Variants in EPB41L4A observed in about 807,000 individuals in gnomAD.
The protein encoded by EPB41L4A is erythrocyte membrane protein band 4.1 like 4A.
A neutral mutation model predicts 108.6 loss-of-function variants in EPB41L4A; 100 were observed. That is an observed-to-expected ratio of 0.92 (90% CI 0.78 to 1.09). The LOEUF is 1.09. EPB41L4A is among the 50% of genes least tolerant of loss of function. The pLI is 0.00. For missense variants in EPB41L4A, 1,030 were observed against 842.7 expected (o/e 1.22, Z -2.75); for synonymous variants, 319 against 289.0 (o/e 1.10, Z -1.05).
chr5:112,201,165 T>A (rs975712571), intron 15 of EPB41L4A, among the ~76,000 whole-genome samples: 1 of 152,174 alleles, frequency 6.6e-6, no homozygotes, highest in Non-Finnish European at 1.5e-5. Context: ...TGTGCTTTAG[T>A]CCTTTTTATG....
intron 1 of EPB41L4A, among the ~76,000 whole-genome samples, chr5:112,310,339 T>A (rs1255047589): frequency 3.9e-5 from 6 of 152,206 alleles, no homozygotes; most frequent in Admixed American, 3.9e-4. Flanking sequence ...AGATAATCAG[T>A]TTTCAAAATG....
downstream of EPB41L4A, chr5:112,161,379 C>A: frequency 4.8e-6 from 2 of 417,298 alleles, no homozygotes; most frequent in Non-Finnish European, 9.4e-6. Context: ...GATTTTAAAT[C>A]GTGAGAAAAT....
At chr5:112,411,866 C>G (rs1762432261) in intron 1 of EPB41L4A, among the ~76,000 whole-genome samples, 1 of 152,190 alleles carries the variant, frequency 6.6e-6, no homozygotes, top group Non-Finnish European at 1.5e-5. Context: ...GCCTGCTTCT[C>G]AAACACAGGT....
At chr5:112,375,205 A>T (rs887992757) in intron 1 of EPB41L4A, among the ~76,000 whole-genome samples, 3 of 152,124 alleles carry the variant, frequency 2.0e-5, no homozygotes, top group Non-Finnish European at 4.4e-5. Context: ...GTGAGCCCAG[A>T]GTGGTGCAGG....
chr5:112,201,076 A>T (rs776777780), intron 15 of EPB41L4A, among the ~76,000 whole-genome samples: 1 of 152,246 alleles, frequency 6.6e-6, no homozygotes, highest in African/African-American at 2.4e-5. Context: ...GTGCAAGGTA[A>T]ATATGTGTGA....
chr5:112,388,029 C>CA (rs1378103319), intron 1 of EPB41L4A, among the ~76,000 whole-genome samples: 2 of 152,082 alleles, frequency 1.3e-5, no homozygotes, highest in Non-Finnish European at 2.9e-5. Flanking sequence ...CACCAAACCC[C>CA]AAAAGTTCCT....
At chr5:112,246,043 T>C (rs1676874346) in intron 9 of EPB41L4A, among the ~76,000 whole-genome samples, 1 of 152,122 alleles carries the variant, frequency 6.6e-6, no homozygotes, top group Non-Finnish European at 1.5e-5. Flanking sequence ...ATTCAGAAAG[T>C]GTTTTCCTTA....
In EPB41L4A at chr5:112,234,629, C is replaced by G; in HGVS notation, c.1087+5G>C. The G allele has an allele frequency of 6.2e-7, 1 of 1,612,304 alleles. No homozygotes were observed. Among genetic ancestry groups the G allele is most frequent in the Non-Finnish European group, 8.5e-7 (1 of 1,178,780 alleles). ...CATAGATAACTCAGGGGAACCATGA[C>G]TTACCAGCTGGCTGTGTTTGTGCTA... On this transcript the variant is annotated splice_donor_5th_base_variant and intron_variant, in intron 12 of 22. Transcript: ENST00000261486.
chr5:112,315,339 C>T (rs1264398911), intron 1 of EPB41L4A, among the ~76,000 whole-genome samples: 1 of 152,224 alleles, frequency 6.6e-6, no homozygotes, highest in Non-Finnish European at 1.5e-5. Context: ...ATTTGGAAAG[C>T]ATGTGCTGAG....
chr5:112,251,587 T>C (rs773669862), intron 9 of EPB41L4A, among the ~76,000 whole-genome samples: 11 of 152,108 alleles, frequency 7.2e-5, no homozygotes, highest in African/African-American at 1.7e-4. Flanking sequence ...AAAATGCTTA[T>C]CTTTACAAAA....
At chr5:112,195,851 G>A (rs1761941833) in intron 15 of EPB41L4A, 143 bp from the exon 16 acceptor site, 1 of 691,838 alleles carries the variant, frequency 1.4e-6, no homozygotes, top group Admixed American at 2.7e-5. Context: ...ATATGTATAT[G>A]CCTAACCCTA....
chr5:112,143,859 C>T (rs199703198), exon 14 of EPB41L4A: 2 of 455,784 alleles, frequency 4.4e-6, no homozygotes, highest in Non-Finnish European at 8.8e-6. Flanking sequence ...CCTGTATAAA[C>T]AGGGAGAAAG....
At chr5:112,173,264 G>A (rs558363824) in intron 18 of EPB41L4A, among the ~76,000 whole-genome samples, 1 of 152,326 alleles carries the variant, frequency 6.6e-6, no homozygotes, top group Admixed American at 6.5e-5. Context: ...GTGGTATCAT[G>A]TGAGGGCATG....
chr5:112,399,996 C>T (rs1055793691), intron 1 of EPB41L4A, among the ~76,000 whole-genome samples: 13 of 152,156 alleles, frequency 8.5e-5, no homozygotes, highest in Non-Finnish European at 1.8e-4. Flanking sequence ...TAAAGAAATA[C>T]CTGAGACTGG....
intron 1 of EPB41L4A, among the ~76,000 whole-genome samples, chr5:112,413,090 G>C (rs995546592): frequency 6.6e-6 from 1 of 152,182 alleles, no homozygotes; most frequent in African/African-American, 2.4e-5. Context: ...GGGAGACAAG[G>C]AAGAAAAGTC....
chr5:112,307,457 C>G lies in EPB41L4A; in HGVS notation c.133G>C (p.Val45Leu). 1 of 1,613,028 alleles carries G rather than the reference C, an allele frequency of 6.2e-7. No homozygotes were observed. The highest frequency in any genetic ancestry group is 8.5e-7 in the Non-Finnish European group (1 of 1,179,218). ...STKGSVVLDH[V>L]FHHVNLVEID... ...TCCACAAGGTTTACGTGATGGAATA[C>G]GTGGTCAAGGACAACGGAACCTTTC... is the stretch of plus-strand genomic sequence containing the variant. The change falls in exon 2 of 23, where the codon GTA (valine) becomes CTA (leucine). Residue 45 changes from valine (V) to leucine (L), a missense_variant. Coordinates refer to ENST00000261486, the MANE Select transcript of EPB41L4A (RefSeq NM_022140.5).
At chr5:112,194,174 TAAGA>T (rs1336744146) in intron 17 of EPB41L4A, among the ~76,000 whole-genome samples, 2 of 152,138 alleles carry the variant, frequency 1.3e-5, no homozygotes, top group Non-Finnish European at 2.9e-5. Flanking sequence ...CCGCAGAATC[TAAGA>T]AACAATGAGT....
chr5:112,200,118 C>CA (rs1309286958), intron 15 of EPB41L4A, among the ~76,000 whole-genome samples: 2 of 152,240 alleles, frequency 1.3e-5, no homozygotes, highest in South Asian at 2.1e-4. Flanking sequence ...TATTCACTCT[C>CA]AGAGTCTGAT....
intron 12 of EPB41L4A, chr5:112,228,786 T>TTAG (rs1333673798): frequency 1.0e-6 from 1 of 978,076 alleles, no homozygotes; most frequent in Non-Finnish European, 1.2e-6. Context: ...TTTCTGGCTT[T>TTAG]ACCCAAGCTC....
Sources: allele counts gnomAD v4.1 joint callset (sites outside exome capture counted in the v4.1 genomes callset), GRCh38; gene constraint gnomAD v4.1.1; transcripts MANE v1.5; gene names NCBI Gene and HGNC (gene_info 2026-07-23, HGNC 2026-07-21).